Variants in UGT2B17 observed in about 807,000 individuals in gnomAD.
UGT2B17 encodes the protein UDP-glucuronosyltransferase 2B17.
UGT2B17 carries 21 observed loss-of-function variants against 48.2 expected under a neutral mutation model. That is an observed-to-expected ratio of 0.44 (90% CI 0.31 to 0.63). UGT2B17 has a LOEUF of 0.63. Among genes scored for constraint, UGT2B17 ranks in the 20% least tolerant of loss-of-function variants. UGT2B17 has a pLI of 0.08. For missense variants in UGT2B17, 402 were observed against 696.1 expected (o/e 0.58, Z 4.75); for synonymous variants, 146 against 238.4 (o/e 0.61, Z 3.57).
At chr4:68,553,627 C>T (rs1357637296) in intron 4 of UGT2B17, among the ~76,000 whole-genome samples, 1 of 125,394 alleles carries the variant, frequency 8.0e-6, no homozygotes, top group Non-Finnish European at 1.7e-5. Context: ...TTTACCTTGG[C>T]GTGTGTAATG....
chr4:68,559,373 G>A lies in UGT2B17; in HGVS notation c.1005+1164C>T, dbSNP rs976684921. Among the ~76,000 whole-genome samples the A allele has an allele frequency of 5.5e-5, 7 of 126,218 alleles. 3 individuals are homozygous for A. The highest frequency in any genetic ancestry group is 1.1e-4 in the African/African-American group (4 of 37,008). The allele number at this position is 126,218 out of a possible 152,430, so 82.8% of individuals were successfully genotyped here. On this transcript the variant is annotated intron_variant, in intron 4 of 6. Transcript: ENST00000317746. ...TCATGATTAACAATACAGATGCTGA[G>A]AATGTAGAAAATTGTATTTTGCTAC...
At chr4:68,538,393 C>A (rs1281057713) in intron 6 of UGT2B17, among the ~76,000 whole-genome samples, 1 of 124,024 alleles carries the variant, frequency 8.1e-6, no homozygotes, top group Non-Finnish European at 1.7e-5. Context: ...CACCACCATG[C>A]CTGGCTATAT....
intron 3 of UGT2B17, among the ~76,000 whole-genome samples, chr4:68,562,017 A>G (rs1731112595): frequency 7.9e-6 from 1 of 125,806 alleles, no homozygotes; most frequent in African/African-American, 2.7e-5. Flanking sequence ...GTTTACGAAT[A>G]AAAAAGGAAA....
At chr4:68,562,608 A>T (rs1479596494) in intron 3 of UGT2B17, among the ~76,000 whole-genome samples, 1 of 126,276 alleles carries the variant, frequency 7.9e-6, no homozygotes, top group Non-Finnish European at 1.7e-5. Flanking sequence ...TTATAGACAG[A>T]TCAGCACTGA....
At chr4:68,575,899 G>C (rs1731366508) in intron 1 of UGT2B17, among the ~76,000 whole-genome samples, 52 bp downstream of exon 1, 1 of 126,030 alleles carries the variant, frequency 7.9e-6, no homozygotes, top group Non-Finnish European at 1.7e-5. Context: ...TGGGTGACCA[G>C]GCCATGCTTC....
intron 6 of UGT2B17, among the ~76,000 whole-genome samples, chr4:68,539,061 A>T (rs1262901170): frequency 7.9e-6 from 1 of 126,320 alleles, no homozygotes; most frequent in Admixed American, 8.2e-5. Flanking sequence ...TGATTTCTGG[A>T]ACTTTAAAAT....
In UGT2B17 at chr4:68,574,954, C is replaced by CCT. The variant is rs1553921091; in HGVS notation, c.-65+996_-65+997insAG. Among the ~76,000 whole-genome samples, 47 of 109,754 alleles carry CCT rather than the reference C, an allele frequency of 4.3e-4. 5 individuals are homozygous for CCT. The highest frequency in any genetic ancestry group is 2.4e-3 in the South Asian group (5 of 2,068). The allele number at this position is 109,754 out of a possible 152,430, so 72.0% of individuals were successfully genotyped here. On this transcript the variant is annotated intron_variant, in intron 1 of 6. Transcript: ENST00000317746. ...ACATAAATTTTACCTCCTCCCCCCC[C>CCT]TTTTTTTTTTGAAGATAACCATTCC...
rs1190377583 is a variant in UGT2B17, at chr4:68,549,965, C to T, written c.1313+712G>A. Among the ~76,000 whole-genome samples the T allele has an allele frequency of 1.6e-5, 2 of 125,656 alleles. 1 individual carries two copies. Among genetic ancestry groups the T allele is most frequent in the South Asian group, 7.3e-4 (2 of 2,728 alleles). The allele number at this position is 125,656 out of a possible 152,430, so 82.4% of individuals were successfully genotyped here. A position where few individuals can be genotyped will look rare whatever the true frequency, so the allele number is the denominator to read the frequency against. Reference sequence around the variant, plus strand: ...AAATAAAAATGAATGAGTTCTGATACATCCAACAACATAAATAAAACTAAA... The same window carrying T: ...AAATAAAAATGAATGAGTTCTGATATATCCAACAACATAAATAAAACTAAA... On this transcript the variant is annotated intron_variant, in intron 6 of 6. Coordinates refer to ENST00000317746, the MANE Select transcript of UGT2B17 (RefSeq NM_001077.4).
In UGT2B17 at chr4:68,555,758, A is replaced by T. The variant is rs28828487; in HGVS notation, c.1006-3847T>A. On this transcript the variant is annotated intron_variant, in intron 4 of 6. Transcript: ENST00000317746. ...GATATTTCATTGTTTGGGTATTTTT[A>T]AAAAAAAATTTGTAGGAAAACATTC... Among the ~76,000 whole-genome samples, 4 of 120,962 alleles carry T rather than the reference A, an allele frequency of 3.3e-5. 1 individual carries two copies. The highest frequency in any genetic ancestry group is 7.7e-4 in the South Asian group (2 of 2,584). 79.4% of individuals were successfully genotyped at this position (120,962 alleles called of 152,430 possible). A position where few individuals can be genotyped will look rare whatever the true frequency, so the allele number is the denominator to read the frequency against.
rs549820926 is a variant in UGT2B17 at position 68,555,159 on chromosome 4, T to C, written c.1006-3248A>G. On this transcript the variant is annotated intron_variant, in intron 4 of 6. Transcript: ENST00000317746. ...AGAAATGCATTAAGACTTGCCAGCATACATTTTTGTTTGCATTTATTAATC... is the reference window on the plus strand; with the variant it reads ...AGAAATGCATTAAGACTTGCCAGCACACATTTTTGTTTGCATTTATTAATC... Among the ~76,000 whole-genome samples the C allele has an allele frequency of 5.1e-4, 65 of 126,262 alleles. 14 individuals carry two copies. The highest frequency in any genetic ancestry group is 1.6e-3 in the African/African-American group (60 of 37,264). 82.8% of individuals were successfully genotyped at this position (126,262 alleles called of 152,430 possible).
chr4:68,542,476 G>A (rs768962172), intron 6 of UGT2B17, among the ~76,000 whole-genome samples: 3 of 126,496 alleles, frequency 2.4e-5, no homozygotes, highest in Admixed American at 8.1e-5. Flanking sequence ...CAAGATGGCC[G>A]AATAAGAACA....
Position 68,561,684 on chromosome 4 carries a change from C to T in UGT2B17, c.874-1016G>A, listed in dbSNP as rs1463210345. Among the ~76,000 whole-genome samples the T allele has an allele frequency of 2.7e-4, 32 of 120,390 alleles. 6 individuals carry two copies. Among genetic ancestry groups the T allele is most frequent in the African/African-American group, 8.6e-4 (30 of 35,066 alleles). The allele number at this position is 120,390 out of a possible 152,430, so 79.0% of individuals were successfully genotyped here. ...GCTCCTGGTAAATATGTGTTTGCTT[C>T]GAAATGAATGAGAATTATTCTGACT... On this transcript the variant is annotated intron_variant, in intron 3 of 6. Transcript: ENST00000317746.
Position 68,568,324 on chromosome 4 carries a change from A to G in UGT2B17, c.161T>C (p.Ile54Thr), listed in dbSNP as rs545469852. 24 of 1,378,944 alleles carry G rather than the reference A, an allele frequency of 1.7e-5. 5 individuals carry two copies. In the Middle Eastern group the frequency reaches 5.9e-4, roughly 34 times the overall value. 85.4% of individuals were successfully genotyped at this position (1,378,944 alleles called of 1,614,324 possible). A position where few individuals can be genotyped will look rare whatever the true frequency, so the allele number is the denominator to read the frequency against. ...AATAGAAGCCGAAGATGTCAACACA[A>G]TCACCTCATGACCCCTCTGAACAAG... Reference protein sequence around the residue: ...EELVQRGHEVIVLTSSASILV... With the variant: ...EELVQRGHEVTVLTSSASILV... The change falls in exon 2 of 7, where the codon ATT (isoleucine) becomes ACT (threonine). Residue 54 changes from isoleucine to threonine, a missense_variant. Transcript: ENST00000317746.
In UGT2B17 at chr4:68,552,500, C is replaced by T. The variant is rs1225569877; in HGVS notation, c.1006-589G>A. 5.6e-5 allele frequency among the ~76,000 whole-genome samples: 7 copies of T among 125,474 alleles called. 2 individuals are homozygous for T. The highest frequency in any genetic ancestry group is 1.5e-3 in the East Asian group (2 of 1,306). The allele number at this position is 125,474 out of a possible 152,430, so 82.3% of individuals were successfully genotyped here. A position where few individuals can be genotyped will look rare whatever the true frequency, so the allele number is the denominator to read the frequency against. On this transcript the variant is annotated intron_variant, in intron 4 of 6. Coordinates refer to ENST00000317746, the MANE Select transcript of UGT2B17 (RefSeq NM_001077.4). ...CTAAAATGTATAAAACCAAACTGTCCCCCCACCACCTTGGGACACATGTCA... is the reference window on the plus strand; with the variant it reads ...CTAAAATGTATAAAACCAAACTGTCTCCCCACCACCTTGGGACACATGTCA...
intron 2 of UGT2B17, among the ~76,000 whole-genome samples, chr4:68,567,258 G>T (rs1731217074): frequency 8.0e-6 from 1 of 125,658 alleles, no homozygotes; most frequent in Non-Finnish European, 1.7e-5. Flanking sequence ...TTAGGCTTCT[G>T]TTTCTGGAGT....
rs1467997082 is a variant in UGT2B17, at chr4:68,565,659, A to G, written c.786T>C (p.Tyr262=). 1.2e-5 allele frequency: 16 copies of G among 1,368,846 alleles called. 4 individuals are homozygous for G. Among genetic ancestry groups the G allele is most frequent in the African/African-American group, 1.5e-5 (1 of 67,210 alleles). 84.8% of individuals were successfully genotyped at this position (1,368,846 alleles called of 1,614,324 possible). The change falls in exon 3 of 7, where the codon TAT becomes TAC. Residue 262 remains tyrosine, a synonymous_variant. Coordinates refer to ENST00000317746, the MANE Select transcript of UGT2B17 (RefSeq NM_001077.4). Reference sequence around the variant, plus strand: ...ATGGGCGAGGAAATTCAAAATCCCAATAGGTTCGAATGAGCCACATTTCAG... The same window carrying G: ...ATGGGCGAGGAAATTCAAAATCCCAGTAGGTTCGAATGAGCCACATTTCAG... The part of the protein sequence containing the change: ...GKAEMWLIRT[Y]WDFEFPRPFL...
intron 6 of UGT2B17, among the ~76,000 whole-genome samples, chr4:68,538,220 T>G (rs1730589840): frequency 1.1e-5 from 1 of 91,824 alleles, no homozygotes; most frequent in Admixed American, 1.3e-4. Flanking sequence ...AATCTGGGAA[T>G]GATCATTTTG....
rs1191601578 is a variant in UGT2B17 at position 68,545,082 on chromosome 4, C to T, written c.1313+5595G>A. On this transcript the variant is annotated intron_variant, in intron 6 of 6. Transcript: ENST00000317746. ...CTCTGCACGAAGAGGACCTAATAGA[C>T]ATCTACAGAACTCTGCACCCCAAAT... 1.6e-4 allele frequency among the ~76,000 whole-genome samples: 20 copies of T among 125,956 alleles called. 5 individuals carry two copies. Among genetic ancestry groups the T allele is most frequent in the African/African-American group, 4.9e-4 (18 of 36,826 alleles). 82.6% of individuals were successfully genotyped at this position (125,956 alleles called of 152,430 possible). A position where few individuals can be genotyped will look rare whatever the true frequency, so the allele number is the denominator to read the frequency against.
rs1396724414 is a variant in UGT2B17, at chr4:68,572,335, AT to A, written c.-65+3615del. Among the ~76,000 whole-genome samples, 2 of 126,310 alleles carry A rather than the reference AT, an allele frequency of 1.6e-5. 1 individual carries two copies. The highest frequency in any genetic ancestry group is 1.5e-3 in the East Asian group (2 of 1,324). The allele number at this position is 126,310 out of a possible 152,430, so 82.9% of individuals were successfully genotyped here. On this transcript the variant is annotated intron_variant, in intron 1 of 6. Coordinates refer to ENST00000317746, the MANE Select transcript of UGT2B17 (RefSeq NM_001077.4). Reference sequence around the variant, plus strand: ...TCACATAGAAAAGGAGCAGTCCTTAATTTTATTTTAAAAACTGTGATCATGG... The same window carrying A: ...TCACATAGAAAAGGAGCAGTCCTTAATTTATTTTAAAAACTGTGATCATGG...
Sources: gnomAD v4.1 joint callset for allele counts (sites outside exome capture counted in the v4.1 genomes callset) on GRCh38, gnomAD v4.1.1 for gene constraint, MANE v1.5 for transcripts, NCBI Gene and HGNC (gene_info 2026-07-23, HGNC 2026-07-21) for gene names.